Variants in FHIT observed in about 807,000 individuals in gnomAD.
FHIT encodes bis(5'-adenosyl)-triphosphatase.
Under a neutral mutation model 17.9 loss-of-function variants are expected in FHIT, and 19 were observed. The observed-to-expected ratio is 1.06, with a 90% confidence interval of 0.74 to 1.56. The LOEUF (loss-of-function observed/expected upper bound fraction) is 1.56. Among genes scored for constraint, FHIT ranks in the 40% most tolerant of loss-of-function variants. The pLI is 0.00. For synonymous variants in FHIT, 81 were observed against 69.7 expected, an observed-to-expected ratio of 1.16 and a Z score of -0.81; for missense variants, 248 against 189.2, an observed-to-expected ratio of 1.31 and a Z score of -1.82.
intron 3 of FHIT, among the ~76,000 whole-genome samples, chr3:60,846,928 A>G (rs1482725163): frequency 6.6e-6 from 1 of 151,990 alleles, no homozygotes; most frequent in Admixed American, 6.6e-5. Flanking sequence ...GGTTCAAGCA[A>G]TTCTCCTGCC....
chr3:60,531,871 G>T (rs1447511146), intron 5 of FHIT, among the ~76,000 whole-genome samples: 1 of 152,202 alleles, frequency 6.6e-6, no homozygotes, highest in Admixed American at 6.5e-5. Context: ...CGTATTAAAA[G>T]ATATTTGTCA....
intron 5 of FHIT, among the ~76,000 whole-genome samples, chr3:60,130,030 T>G (rs2064015): frequency 0.2 from 30,155 of 152,088 alleles, 3,307 homozygotes; most frequent in Admixed American, 0.3. Context: ...GATGTCCAAA[T>G]TCACAGTCTA....
At chr3:59,877,044 C>T (rs1393553398) in intron 8 of FHIT, among the ~76,000 whole-genome samples, 3 of 152,186 alleles carry the variant, frequency 2.0e-5, no homozygotes, top group Non-Finnish European at 4.4e-5. Flanking sequence ...GGCTATACTA[C>T]TGTAGTTATT....
At chr3:60,892,501 A>G in intron 3 of FHIT, among the ~76,000 whole-genome samples, 1 of 152,290 alleles carries the variant, frequency 6.6e-6, no homozygotes, top group East Asian at 1.9e-4. Flanking sequence ...AGTGTATATT[A>G]GAGTGTAATG....
intron 4 of FHIT, among the ~76,000 whole-genome samples, chr3:60,592,076 T>A (rs1406169779): frequency 6.6e-6 from 1 of 151,666 alleles, no homozygotes; most frequent in Non-Finnish European, 1.5e-5. Flanking sequence ...AAGTGATTTA[T>A]CTTAACAAAA....
intron 1 of FHIT, among the ~76,000 whole-genome samples, chr3:61,239,510 C>G (rs1462807312): frequency 6.6e-6 from 1 of 152,046 alleles, no homozygotes; most frequent in Admixed American, 6.6e-5. Flanking sequence ...CTCTTTCTGT[C>G]TGGCCATTTT....
chr3:60,472,425 G>T (rs191238137), intron 5 of FHIT, among the ~76,000 whole-genome samples: 3 of 147,976 alleles, frequency 2.0e-5, no homozygotes, highest in Admixed American at 1.4e-4. Context: ...CTGGAGTGCA[G>T]TGGCGTGATC....
intron 2 of FHIT, among the ~76,000 whole-genome samples, chr3:61,078,008 C>CT (rs1458130515): frequency 6.6e-6 from 1 of 152,112 alleles, no homozygotes; most frequent in Non-Finnish European, 1.5e-5. Context: ...AGATGTATTT[C>CT]TTTAAGTAGG....
intron 3 of FHIT, among the ~76,000 whole-genome samples, chr3:60,910,304 A>G (rs1706671401): frequency 6.6e-6 from 1 of 152,196 alleles, no homozygotes; most frequent in African/African-American, 2.4e-5. Flanking sequence ...CTGTGACTGA[A>G]GAAAAGATGA....
In FHIT at chr3:60,652,339, G is replaced by A. The variant is rs542739507; in HGVS notation, c.-17-115360C>T. 2.0e-5 allele frequency among the ~76,000 whole-genome samples: 3 copies of A among 152,214 alleles called. No individual in the cohort carries two copies. The South Asian group carries it at 6.2e-4, about 32-fold the overall frequency. ...CTCTAGGCCAGGCGTGGTAGTTCAC[G>A]TCTGTAATCCCAGCACTTTGGGAGG... is the stretch of plus-strand genomic sequence containing the variant. On this transcript the variant is annotated intron_variant, in intron 4 of 9. Transcript: ENST00000492590.
intron 4 of FHIT, among the ~76,000 whole-genome samples, chr3:60,820,856 A>G (rs938372050): frequency 6.6e-6 from 1 of 152,194 alleles, no homozygotes; most frequent in East Asian, 1.9e-4. Context: ...GAGATGAGGT[A>G]ACAGAAAAGG....
intron 5 of FHIT, among the ~76,000 whole-genome samples, chr3:60,520,553 T>C (rs998940486): frequency 6.6e-6 from 1 of 152,166 alleles, no homozygotes; most frequent in Non-Finnish European, 1.5e-5. Context: ...CTTTCCAGCA[T>C]GTACAGGCTG....
chr3:60,624,103 G>A (rs1370324900), intron 4 of FHIT, among the ~76,000 whole-genome samples: 1 of 152,176 alleles, frequency 6.6e-6, no homozygotes, highest in African/African-American at 2.4e-5. Flanking sequence ...GTGGAGTAAG[G>A]AGGCCAAAAG....
chr3:60,249,620 G>A (rs886313196), intron 5 of FHIT, among the ~76,000 whole-genome samples: 1 of 150,312 alleles, frequency 6.7e-6, no homozygotes, highest in African/African-American at 2.5e-5. Context: ...CCAGTGCCAG[G>A]AGTGACATTA....
intron 4 of FHIT, among the ~76,000 whole-genome samples, chr3:60,744,246 T>TAAAAAAAAAAA (rs368982395): frequency 2.9e-4 from 9 of 30,888 alleles, no homozygotes; most frequent in African/African-American, 7.8e-4. Context: ...GGAAGTAATG[T>TAAAAAAAAAAA]AAAAAAAAAA....
intron 1 of FHIT, among the ~76,000 whole-genome samples, chr3:61,216,859 T>C (rs1219921399): frequency 5.3e-5 from 8 of 152,024 alleles, no homozygotes; most frequent in Middle Eastern, 3.4e-3. Context: ...ATGGATGAAA[T>C]TGGAAATCAT....
chr3:60,862,587 C>T lies in FHIT; in HGVS notation c.-110-40576G>A, dbSNP rs565135545. Among the ~76,000 whole-genome samples the T allele has an allele frequency of 1.2e-4, 18 of 152,148 alleles. No homozygotes were observed. The South Asian group carries it at 2.5e-3, about 21-fold the overall frequency. ...TCCCTGGGCCGGGCATGGTGGCTCA[C>T]GCCTGTAATACCAGCACTTTGGGAG... On this transcript the variant is annotated intron_variant, in intron 3 of 9. Coordinates refer to ENST00000492590, the MANE Select transcript of FHIT (RefSeq NM_002012.4).
intron 5 of FHIT, among the ~76,000 whole-genome samples, chr3:60,127,548 AG>A (rs1195972036): frequency 6.6e-6 from 1 of 152,172 alleles, no homozygotes; most frequent in Non-Finnish European, 1.5e-5. Flanking sequence ...GTTACTCTCC[AG>A]AAATGATATA....
rs558449538 is a variant in FHIT at position 60,114,798 on chromosome 3, T to C, written c.104-100646A>G. On this transcript the variant is annotated intron_variant, in intron 5 of 9. Transcript: ENST00000492590. ...GGCTAAACTTATTCAAAAAGAAAAA[T>C]CTTCCTTAAAATTAAAAATGAAGAG... Among the ~76,000 whole-genome samples the C allele has an allele frequency of 3.4e-4, 51 of 152,086 alleles. 1 individual carries two copies. In the South Asian group the frequency reaches 0.01, roughly 30 times the overall value.
Sources: allele counts gnomAD v4.1 joint callset (sites outside exome capture counted in the v4.1 genomes callset), GRCh38; gene constraint gnomAD v4.1.1; transcripts MANE v1.5; gene names NCBI Gene and HGNC (gene_info 2026-07-23, HGNC 2026-07-21).